PRKCA: variants seen among roughly 807,000 people sequenced by gnomAD.
PRKCA encodes protein kinase C alpha.
Under a neutral mutation model 87.0 loss-of-function variants are expected in PRKCA, and 27 were observed. That is an observed-to-expected ratio of 0.31 (90% CI 0.23 to 0.43). The LOEUF is 0.43. Among genes scored for constraint, PRKCA ranks in the 20% least tolerant of loss-of-function variants. PRKCA has a pLI of 1.00. For synonymous variants in PRKCA, 329 were observed against 311.1 expected (o/e 1.06, Z -0.61); for missense variants, 518 against 852.3 (o/e 0.61, Z 4.88).
At chr17:66,769,803 C>T (rs991842945) in intron 13 of PRKCA, among the ~76,000 whole-genome samples, 2 of 152,162 alleles carry the variant, frequency 1.3e-5, no homozygotes, top group African/African-American at 2.4e-5. Context: ...CAAAGAAAAT[C>T]GTTGGGCTCG....
In PRKCA at chr17:66,742,748, T is replaced by C. The variant is rs949111685; in HGVS notation, c.1512T>C (p.Tyr504=). 6.2e-7 allele frequency: 1 copy of C among 1,613,978 alleles called. No homozygotes were observed. Among genetic ancestry groups the C allele is most frequent in the Admixed American group, 1.7e-5 (1 of 60,014 alleles). Residue 504 remains tyrosine, a synonymous_variant, in exon 13 of 17, where the codon TAT becomes TAC. Coordinates refer to ENST00000413366, the MANE Select transcript of PRKCA (RefSeq NM_002737.3). Reference sequence around the variant, plus strand: ...GGACCTTCTGTGGGACTCCAGATTATATCGCCCCAGAGGTAGGAACCCCAG... The same window carrying C: ...GGACCTTCTGTGGGACTCCAGATTACATCGCCCCAGAGGTAGGAACCCCAG... ...TTRTFCGTPD[Y]IAPEIIAYQP... is the part of the protein sequence containing the mutation.
At chr17:66,772,918 A>G (rs562865620) in intron 13 of PRKCA, among the ~76,000 whole-genome samples, 1 of 152,230 alleles carries the variant, frequency 6.6e-6, no homozygotes, top group South Asian at 2.1e-4. Context: ...GTTCACCCAT[A>G]AATACTTTAT....
At chr17:66,527,144 C>G (rs760219980) in intron 3 of PRKCA, among the ~76,000 whole-genome samples, 2 of 152,120 alleles carry the variant, frequency 1.3e-5, no homozygotes, top group Non-Finnish European at 2.9e-5. Context: ...TTAGCTGACT[C>G]CTGTTTGATA....
intron 3 of PRKCA, among the ~76,000 whole-genome samples, chr17:66,562,585 G>T (rs200803925): frequency 1.4e-4 from 21 of 149,166 alleles, no homozygotes; most frequent in South Asian, 6.4e-4. Flanking sequence ...GCTAAGTTTT[G>T]TTTTTTTTTG....
intron 15 of PRKCA, chr17:66,787,238 T>C: frequency 1.6e-6 from 1 of 615,596 alleles, no homozygotes. Flanking sequence ...TTTCACTCAA[T>C]ATGGTGATTG....
chr17:66,717,041 G>A (rs942696687), intron 8 of PRKCA, among the ~76,000 whole-genome samples: 1 of 152,234 alleles, frequency 6.6e-6, no homozygotes, highest in African/African-American at 2.4e-5. Context: ...CATTGTGGAA[G>A]AGCCTGAATA....
At chr17:66,698,381 A>G (rs928280598) in intron 8 of PRKCA, among the ~76,000 whole-genome samples, 13 of 152,360 alleles carry the variant, frequency 8.5e-5, no homozygotes, top group Admixed American at 3.9e-4. Flanking sequence ...CAAGAGCTCA[A>G]TAAAAAGATT....
At chr17:66,746,806 A>T (rs891516898) in intron 13 of PRKCA, among the ~76,000 whole-genome samples, 1 of 152,188 alleles carries the variant, frequency 6.6e-6, no homozygotes, top group African/African-American at 2.4e-5. Flanking sequence ...TTCAAGGTCA[A>T]TGAGAGTCCT....
Position 66,535,074 on chromosome 17 carries a change from T to G in PRKCA, c.288+38791T>G, listed in dbSNP as rs117607620. Among the ~76,000 whole-genome samples, 782 of 152,324 alleles carry G rather than the reference T, an allele frequency of 5.1e-3. 4 individuals are homozygous for G. The highest frequency in any genetic ancestry group is 8.9e-3 in the Non-Finnish European group (606 of 68,026). ...TTCATGTGAATTATTCCTCAAATTA[T>G]CCCCAAACTCTCTGAGACTGCGCTG... On this transcript the variant is annotated intron_variant, in intron 3 of 16. Transcript: ENST00000413366.
chr17:66,336,018 T>C (rs1257863327), intron 2 of PRKCA, among the ~76,000 whole-genome samples: 1 of 152,212 alleles, frequency 6.6e-6, no homozygotes, highest in Non-Finnish European at 1.5e-5. Context: ...CCATGTGTTA[T>C]CTTTAAAAAT....
At chr17:66,377,717 A>ATTT (rs1415157449) in intron 2 of PRKCA, among the ~76,000 whole-genome samples, 29 of 53,540 alleles carry the variant, frequency 5.4e-4, no homozygotes, top group East Asian at 1.5e-3. Context: ...ATATATATAT[A>ATTT]TATATTTTTT....
chr17:66,325,232 G>C (rs752395322), intron 2 of PRKCA, among the ~76,000 whole-genome samples: 10 of 152,184 alleles, frequency 6.6e-5, no homozygotes, highest in Admixed American at 1.3e-4. Flanking sequence ...TGGGGAGTGG[G>C]GGAAGCCAAC....
intron 5 of PRKCA, among the ~76,000 whole-genome samples, chr17:66,681,113 C>T (rs1039605947): frequency 7.9e-5 from 12 of 152,076 alleles, no homozygotes; most frequent in Non-Finnish European, 1.8e-4. Context: ...CTTGTAGTTC[C>T]AGCTACTCAG....
At chr17:66,472,576 T>C (rs898729756) in intron 2 of PRKCA, among the ~76,000 whole-genome samples, 3 of 152,230 alleles carry the variant, frequency 2.0e-5, no homozygotes, top group African/African-American at 4.8e-5. Context: ...TAATGCTCAG[T>C]TGCCAAAATA....
At chr17:66,497,158 G>A (rs116101230) in intron 3 of PRKCA, among the ~76,000 whole-genome samples, 1,949 of 152,192 alleles carry the variant, frequency 0.013, 46 homozygotes, top group African/African-American at 0.045. Flanking sequence ...TCCTCTCTTT[G>A]TGGACAATTC....
At chr17:66,537,552 G>A (rs1281015664) in intron 3 of PRKCA, among the ~76,000 whole-genome samples, 1 of 152,116 alleles carries the variant, frequency 6.6e-6, no homozygotes, top group Non-Finnish European at 1.5e-5. Flanking sequence ...TCTGTCATCC[G>A]AATGCCGTGT....
At chr17:66,486,704 C>A (rs533780681) in intron 2 of PRKCA, among the ~76,000 whole-genome samples, 1 of 152,226 alleles carries the variant, frequency 6.6e-6, no homozygotes, top group South Asian at 2.1e-4. Context: ...GTCTTTTGGC[C>A]TCTAACCTTG....
At chr17:66,766,829 T>G (rs890112895) in intron 13 of PRKCA, among the ~76,000 whole-genome samples, 1 of 150,732 alleles carries the variant, frequency 6.6e-6, no homozygotes, top group Admixed American at 6.6e-5. Flanking sequence ...AAAAAAAAAT[T>G]TAATGAAACA....
chr17:66,314,901 GTA>G (rs1491362650), intron 2 of PRKCA, among the ~76,000 whole-genome samples: 19 of 139,390 alleles, frequency 1.4e-4, no homozygotes, highest in East Asian at 2.2e-4. Flanking sequence ...GTGTGTGTGT[GTA>G]TGTATGTATG....
Sources: gnomAD v4.1 joint callset for allele counts (sites outside exome capture counted in the v4.1 genomes callset) on GRCh38, gnomAD v4.1.1 for gene constraint, MANE v1.5 for transcripts, NCBI Gene and HGNC (gene_info 2026-07-23, HGNC 2026-07-21) for gene names.